PIK3R6: variants seen among roughly 807,000 people sequenced by gnomAD.
PIK3R6 encodes phosphoinositide 3-kinase regulatory subunit 6.
In PIK3R6, 91 loss-of-function variants were observed where a neutral mutation model predicts 84.9. The ratio of observed to expected loss-of-function variants is 1.07; its 90% CI spans 0.90 to 1.28. The LOEUF is 1.28. Ranked by LOEUF, PIK3R6 falls within the 50% of genes most tolerant of loss-of-function variation. PIK3R6 has a pLI of 0.00. For synonymous variants in PIK3R6, 416 were observed against 411.4 expected, an observed-to-expected ratio of 1.01 and a Z score of -0.13; for missense variants, 996 against 985.1, an observed-to-expected ratio of 1.01 and a Z score of -0.15.
chr17:8,833,286 TG>T (rs1358674752), intron 8 of PIK3R6, among the ~76,000 whole-genome samples: 3 of 152,244 alleles, frequency 2.0e-5, no homozygotes, highest in Non-Finnish European at 4.4e-5. Flanking sequence ...TGGTCTGCAA[TG>T]TCTGTTACCC....
intron 18 of PIK3R6, among the ~76,000 whole-genome samples, chr17:8,808,309 T>C (rs1238922120): frequency 1.3e-5 from 2 of 152,192 alleles, no homozygotes; most frequent in Non-Finnish European, 2.9e-5. Flanking sequence ...ATTATAGCTG[T>C]CCCTCCATAT....
Position 8,803,621 on chromosome 17 carries a change from G to A in PIK3R6, c.2109-192C>T, listed in dbSNP as rs1197435621. 1.7e-6 allele frequency: 1 copy of A among 590,660 alleles called. No homozygotes were observed. The highest frequency in any genetic ancestry group is 1.9e-5 in the African/African-American group (1 of 53,348). The allele number at this position is 590,660 out of a possible 1,614,324, so 36.6% of individuals were successfully genotyped here. On this transcript the variant is annotated intron_variant, in intron 19 of 19. Transcript: ENST00000619866. This position sits in a 1 kb window ranked among gnomAD's most constrained non-coding sequence, Gnocchi z 5.0. Reference sequence around the variant, plus strand: ...CTGGGCCTGGGGTTCACCGGGAGAGGAGACACTTGGAGCAAGTAACTCTGC... The same window carrying A: ...CTGGGCCTGGGGTTCACCGGGAGAGAAGACACTTGGAGCAAGTAACTCTGC...
In PIK3R6 at chr17:8,833,017, T is replaced by C. The variant is rs1179440249; in HGVS notation, c.674A>G (p.Tyr225Cys). ...CAAGGCGGCCACCACGGCGTGGAAA[T>C]AGTGCTCCAGGGTGCGGCGAGGGCT... is the stretch of plus-strand genomic sequence containing the variant. ...QASPRRTLEH[Y>C]FHAVVAALEQ... The change falls in exon 9 of 20, where the codon TAT becomes TGT. Residue 225 changes from tyrosine (Y) to cysteine (C), a missense_variant. Transcript: ENST00000619866. The C allele has an allele frequency of 3.7e-6, 6 of 1,608,504 alleles. No individual in the cohort carries two copies. In the African/African-American group the frequency reaches 4.0e-5, roughly 11 times the overall value.
In PIK3R6 at chr17:8,805,643, C is replaced by T. The variant is rs570536388; in HGVS notation, c.1996-1490G>A. On this transcript the variant is annotated intron_variant, in intron 18 of 19. Transcript: ENST00000619866. ...GAACCTGTGGCACCTTGGCCGGGCG[C>T]GGTGGCTCATGCCTATAATCGTAGC... 1.6e-3 allele frequency among the ~76,000 whole-genome samples: 247 copies of T among 152,152 alleles called. 1 individual carries two copies. Among genetic ancestry groups the T allele is most frequent in the Non-Finnish European group, 2.8e-3 (191 of 67,986 alleles).
At chr17:8,866,291 A>G (rs2089409645) in intron 1 of PIK3R6, among the ~76,000 whole-genome samples, 1 of 152,154 alleles carries the variant, frequency 6.6e-6, no homozygotes, top group African/African-American at 2.4e-5. Flanking sequence ...TAATCCCAGC[A>G]CTATGGGAGG....
At chr17:8,837,000 G>C in intron 5 of PIK3R6, 77 bp from the exon 6 acceptor site, 3 of 1,087,200 alleles carry the variant, frequency 2.8e-6, no homozygotes, top group Admixed American at 4.1e-5. Context: ...GAAGGGTCCC[G>C]GGGGAGTTTC....
chr17:8,857,016 C>A (rs955238707), intron 1 of PIK3R6, among the ~76,000 whole-genome samples: 4 of 151,444 alleles, frequency 2.6e-5, no homozygotes, highest in Admixed American at 1.3e-4. Flanking sequence ...ACAGCTGGCT[C>A]CCCCTCGACA....
In PIK3R6 at chr17:8,860,829, C is replaced by T. The variant is rs1195182322; in HGVS notation, c.-92+6700G>A. On this transcript the variant is annotated intron_variant, in intron 1 of 19. Coordinates refer to ENST00000619866, the MANE Select transcript of PIK3R6 (RefSeq NM_001010855.4). ...GAGTTCACAATGGGGACTCTGAAGC[C>T]GGGGGCAGTGCCAGGCACACCACAC... Among the ~76,000 whole-genome samples the T allele has an allele frequency of 4.6e-5, 7 of 151,896 alleles. No individual in the cohort carries two copies. The East Asian group carries it at 1.2e-3, about 25-fold the overall frequency.
intron 18 of PIK3R6, among the ~76,000 whole-genome samples, chr17:8,816,710 GAAAC>G (rs1190987193): frequency 2.0e-5 from 3 of 152,100 alleles, no homozygotes; most frequent in African/African-American, 7.2e-5. Flanking sequence ...GGTAATAAAA[GAAAC>G]AAAACAATGA....
chr17:8,836,967 G>A (rs1300507481), intron 5 of PIK3R6, 44 bp from the exon 6 acceptor site: 9 of 1,406,138 alleles, frequency 6.4e-6, no homozygotes, highest in African/African-American at 1.4e-5. Context: ...AGGAGGTGGA[G>A]GTAAGAGGGA....
chr17:8,851,775 C>T (rs1027216701), intron 1 of PIK3R6, among the ~76,000 whole-genome samples: 4 of 152,046 alleles, frequency 2.6e-5, no homozygotes, highest in African/African-American at 9.7e-5. Flanking sequence ...AAGACCCAAA[C>T]GAATTGAAAA....
intron 1 of PIK3R6, among the ~76,000 whole-genome samples, chr17:8,865,586 G>A (rs968170355): frequency 1.3e-5 from 2 of 151,752 alleles, no homozygotes; most frequent in African/African-American, 2.4e-5. Flanking sequence ...GGCAGCTCAG[G>A]CTTGCCAGAC....
chr17:8,827,396 C>A, intron 12 of PIK3R6, 102 bp from the exon 13 acceptor site: 2 of 1,325,328 alleles, frequency 1.5e-6, no homozygotes. Context: ...AGTCATTTAA[C>A]CTCTTGGGGC....
At chr17:8,852,010 A>C (rs1463684524) in intron 1 of PIK3R6, among the ~76,000 whole-genome samples, 6 of 152,248 alleles carry the variant, frequency 3.9e-5, no homozygotes, top group South Asian at 2.1e-4. Flanking sequence ...TGAGTGAAGT[A>C]AGTCAGTCAT....
Position 8,829,736 on chromosome 17 carries a change from A to G in PIK3R6, c.859T>C (p.Phe287Leu). The G allele has an allele frequency of 6.4e-7, 1 of 1,553,636 alleles. No homozygotes were observed. Among genetic ancestry groups the G allele is most frequent in the East Asian group, 2.4e-5 (1 of 41,086 alleles). ...SIPLPSPYIT[F>L]HLWTGEEQLW... is the part of the protein sequence containing the mutation. The stretch of plus-strand genomic sequence containing the variant: ...TGCTCCTCACCGGTCCACAAGTGGA[A>G]GGTGATGTAGGGGCTGGGCAGGGGA... Residue 287 changes from phenylalanine to leucine, a missense_variant, in exon 10 of 20, where the codon TTC becomes CTC. Physicochemically the swap from Phe to Leu is conservative, Grantham distance 22. Transcript: ENST00000619866.
At chr17:8,819,266 C>T (rs2087640981) in intron 17 of PIK3R6, 68 bp from the exon 18 acceptor site, 3 of 1,199,724 alleles carry the variant, frequency 2.5e-6, no homozygotes, top group Non-Finnish European at 3.5e-6. Context: ...TTCTAGGTCT[C>T]AAGATCTCCA....
chr17:8,825,290 G>A (rs1314880916), intron 13 of PIK3R6, among the ~76,000 whole-genome samples: 1 of 151,914 alleles, frequency 6.6e-6, no homozygotes, highest in Non-Finnish European at 1.5e-5. Context: ...AAATCCAATA[G>A]GATTAAAAAT....
intron 17 of PIK3R6, among the ~76,000 whole-genome samples, chr17:8,821,183 G>C (rs981253215): frequency 1.3e-5 from 2 of 152,104 alleles, no homozygotes; most frequent in South Asian, 4.1e-4. Context: ...TGGCAATCCC[G>C]GGGGAGGCAG....
chr17:8,851,696 C>A (rs118011954), intron 1 of PIK3R6, among the ~76,000 whole-genome samples: 1 of 152,120 alleles, frequency 6.6e-6, no homozygotes, highest in Non-Finnish European at 1.5e-5. Flanking sequence ...TGTGGAAAAT[C>A]GTATGGCATG....
Sources: gnomAD v4.1 joint callset for allele counts (sites outside exome capture counted in the v4.1 genomes callset) on GRCh38, gnomAD v4.1.1 for gene constraint, Gnocchi (gnomAD v3.1) non-coding constraint, MANE v1.5 for transcripts, NCBI Gene and HGNC (gene_info 2026-07-23, HGNC 2026-07-21) for gene names.